The following SUPT3H variants were observed in gnomAD, a reference collection of about 807,000 sequenced individuals.
SUPT3H encodes the protein transcription initiation protein SPT3 homolog.
Under a neutral mutation model 44.3 loss-of-function variants are expected in SUPT3H, and 44 were observed. That is an observed-to-expected ratio of 0.99 (90% CI 0.78 to 1.28). The LOEUF (loss-of-function observed/expected upper bound fraction) is 1.28. SUPT3H is among the 50% of genes most tolerant of loss of function. The pLI is 0.00. For missense variants in SUPT3H, 380 were observed against 387.1 expected, an observed-to-expected ratio of 0.98 and a Z score of 0.15; for synonymous variants, 124 against 125.6, an observed-to-expected ratio of 0.99 and a Z score of 0.09.
In SUPT3H at chr6:45,003,735, A is replaced by G. The variant is rs1343797449; in HGVS notation, c.422T>C (p.Leu141Pro). Residue 141 changes from leucine (L) to proline (P), a missense_variant, in exon 6 of 11, where the codon CTC becomes CCC. By Grantham distance (98) the Leu-to-Pro change is moderately conservative. Coordinates refer to ENST00000371459, the MANE Select transcript of SUPT3H (RefSeq NM_003599.4). ...NKRQKIAQDF[L>P]NSIDQTGELL... ...TTCTCCTGTCTGGTCAATAGAGTTG[A>G]GGAAGTCCTGAGCAATCTTTTGTCT... 1.2e-6 allele frequency: 2 copies of G among 1,613,862 alleles called. No homozygotes were observed. The highest frequency in any genetic ancestry group is 8.5e-7 in the Non-Finnish European group (1 of 1,179,840).
chr6:45,149,984 G>A (rs1391412192), intron 2 of SUPT3H, among the ~76,000 whole-genome samples: 1 of 150,610 alleles, frequency 6.6e-6, no homozygotes, highest in African/African-American at 2.5e-5. Context: ...AAAGGTCCAG[G>A]CTACATATCA....
intron 2 of SUPT3H, chr6:45,197,617 A>G: frequency 2.9e-6 from 1 of 342,994 alleles, no homozygotes; most frequent in African/African-American, 2.3e-5. Flanking sequence ...AGAAAGACAA[A>G]AGTTTTGTGG....
chr6:45,178,672 TCTC>T (rs1301641488), intron 2 of SUPT3H, among the ~76,000 whole-genome samples: 2 of 151,774 alleles, frequency 1.3e-5, no homozygotes, highest in Non-Finnish European at 2.9e-5. Flanking sequence ...GAAGTAAAGC[TCTC>T]CTCAGCAAAT....
chr6:45,137,086 A>T (rs1234765476), intron 2 of SUPT3H, among the ~76,000 whole-genome samples: 1 of 152,126 alleles, frequency 6.6e-6, no homozygotes. Flanking sequence ...GAAGACAAGA[A>T]GCAATGGAAT....
intron 1 of SUPT3H, among the ~76,000 whole-genome samples, chr6:45,376,832 G>C (rs1796845934): frequency 1.3e-5 from 2 of 151,562 alleles, no homozygotes; most frequent in Non-Finnish European, 2.9e-5. Flanking sequence ...AAGACCCCAG[G>C]TCCTCTCCTT....
chr6:44,982,723 T>G (rs1347578905), intron 6 of SUPT3H, among the ~76,000 whole-genome samples: 2 of 152,232 alleles, frequency 1.3e-5, no homozygotes, highest in African/African-American at 4.8e-5. Context: ...ATTTAGAGAA[T>G]GAAGAGGCCT....
chr6:44,812,708 C>CT lies in SUPT3H; in HGVS notation c.*53-3208dup, dbSNP rs1050954988. 2.0e-5 allele frequency among the ~76,000 whole-genome samples: 3 copies of CT among 152,142 alleles called. No individual in the cohort carries two copies. The South Asian group carries it at 6.2e-4, about 32-fold the overall frequency. Reference sequence around the variant, plus strand: ...AGATAATGGAGAAAAGTCAGGTTCTCTTTTTTTCTCACGAAATTTGCCAAT... The same window carrying CT: ...AGATAATGGAGAAAAGTCAGGTTCTCTTTTTTTTCTCACGAAATTTGCCAAT... On this transcript the variant is annotated intron_variant and NMD_transcript_variant, in intron 11 of 11. Coordinates refer to the SUPT3H transcript ENST00000475057.
At chr6:45,128,786 A>C (rs932486955) in intron 2 of SUPT3H, among the ~76,000 whole-genome samples, 3 of 151,250 alleles carry the variant, frequency 2.0e-5, no homozygotes, top group African/African-American at 7.3e-5. Context: ...CCTGGGTTCA[A>C]ACGATTCTCC....
At chr6:45,334,078 A>G (rs1383598369) in intron 2 of SUPT3H, among the ~76,000 whole-genome samples, 1 of 151,256 alleles carries the variant, frequency 6.6e-6, no homozygotes, top group African/African-American at 2.4e-5. Flanking sequence ...AAACAGTTTA[A>G]AGACTCTTTT....
At chr6:45,319,855 T>C (rs530765985) in intron 2 of SUPT3H, among the ~76,000 whole-genome samples, 36 of 152,320 alleles carry the variant, frequency 2.4e-4, no homozygotes, top group African/African-American at 8.7e-4. Context: ...GCTTAGGCAT[T>C]AAACGTAGTG....
chr6:44,840,243 T>C (rs1770726515), intron 10 of SUPT3H, among the ~76,000 whole-genome samples: 1 of 152,250 alleles, frequency 6.6e-6, no homozygotes, highest in Non-Finnish European at 1.5e-5. Flanking sequence ...ATAATCTCTA[T>C]GCTTAATTCA....
downstream of SUPT3H, among the ~76,000 whole-genome samples, chr6:44,825,277 GATATA>G (rs1372508726): frequency 7.9e-5 from 12 of 152,198 alleles, no homozygotes; most frequent in Admixed American, 1.3e-4. Context: ...TATTGTACAT[GATATA>G]ATATTCTATT....
chr6:44,930,252 G>C (rs991806810), intron 10 of SUPT3H, among the ~76,000 whole-genome samples: 1 of 152,064 alleles, frequency 6.6e-6, no homozygotes, highest in Non-Finnish European at 1.5e-5. Flanking sequence ...GTGATGGCGG[G>C]TGCCTGTAGT....
intron 6 of SUPT3H, among the ~76,000 whole-genome samples, chr6:45,001,162 A>G (rs192613500): frequency 5.3e-5 from 8 of 152,100 alleles, no homozygotes; most frequent in African/African-American, 1.4e-4. Flanking sequence ...CATTAGCTAC[A>G]CTTAGACACA....
At chr6:44,832,278 T>C (rs542444) in intron 10 of SUPT3H, among the ~76,000 whole-genome samples, 28,834 of 152,100 alleles carry the variant, frequency 0.19, 3,071 homozygotes, top group Admixed American at 0.29. Context: ...AATTTAAACA[T>C]TGCTTGGTGT....
At chr6:45,045,914 T>C (rs1348114394) in intron 3 of SUPT3H, among the ~76,000 whole-genome samples, 1 of 152,176 alleles carries the variant, frequency 6.6e-6, no homozygotes, top group Non-Finnish European at 1.5e-5. Flanking sequence ...TTTTTAATGT[T>C]GGTGAAGTTC....
In SUPT3H at chr6:45,060,889, C is replaced by T. The variant is rs530569087; in HGVS notation, c.187-40257G>A. 1.1e-4 allele frequency among the ~76,000 whole-genome samples: 17 copies of T among 152,160 alleles called. No homozygotes were observed. The South Asian group carries it at 3.1e-3, about 28-fold the overall frequency. On this transcript the variant is annotated intron_variant, in intron 3 of 10. Transcript: ENST00000371459. ...TCATTAGAGAAGTGTAAATCAAAAC[C>T]ACAATGAGATACTATCTCATGCCAG...
chr6:45,100,541 TA>T (rs58120512), intron 3 of SUPT3H, among the ~76,000 whole-genome samples: 20 of 33,454 alleles, frequency 6.0e-4, no homozygotes, highest in Middle Eastern at 0.033. Context: ...ACCCTGTACT[TA>T]AAAAAAAAAA....
chr6:44,904,397 C>T (rs1480905835), intron 10 of SUPT3H, among the ~76,000 whole-genome samples: 1 of 152,122 alleles, frequency 6.6e-6, no homozygotes, highest in Non-Finnish European at 1.5e-5. Context: ...AGAGCCAAAT[C>T]ATGAGTGGAC....
Sources: allele counts gnomAD v4.1 joint callset (sites outside exome capture counted in the v4.1 genomes callset), GRCh38; gene constraint gnomAD v4.1.1; transcripts MANE v1.5; gene names NCBI Gene and HGNC (gene_info 2026-07-23, HGNC 2026-07-21).